The following PPM1E variants were observed in gnomAD, a reference collection of about 807,000 sequenced individuals.
PPM1E encodes protein phosphatase 1E.
In PPM1E, 20 loss-of-function variants were observed where a neutral mutation model predicts 65.9. That is an observed-to-expected ratio of 0.30 (90% CI 0.21 to 0.44). The LOEUF (loss-of-function observed/expected upper bound fraction) is 0.44, where lower values mean the gene tolerates loss of function less well. PPM1E is among the 20% of genes least tolerant of loss of function. The probability of loss-of-function intolerance (pLI) is 1.00; values close to 1 mark genes in which losing one functional copy is unlikely to be tolerated. For synonymous variants in PPM1E, 352 were observed against 374.9 expected, an observed-to-expected ratio of 0.94 and a Z score of 0.70; for missense variants, 713 against 953.1, an observed-to-expected ratio of 0.75 and a Z score of 3.32.
At chr17:58,885,081 G>A (rs976993332) in intron 1 of PPM1E, among the ~76,000 whole-genome samples, 2 of 151,922 alleles carry the variant, frequency 1.3e-5, no homozygotes, top group Admixed American at 6.6e-5. Flanking sequence ...TTTTGAGATG[G>A]AGTCTTGCTC....
Position 58,980,084 on chromosome 17 carries a change from G to T in PPM1E, c.1321G>T (p.Val441Leu). 2 of 1,614,124 alleles carry T rather than the reference G, an allele frequency of 1.2e-6. No homozygotes were observed. The highest frequency in any genetic ancestry group is 1.7e-6 in the Non-Finnish European group (2 of 1,179,988). Residue 441 changes from valine (V) to leucine (L), a missense_variant, in exon 7 of 7, where the codon GTG (valine) becomes TTG (leucine). Transcript: ENST00000308249. The surrounding 1 kb of genome is among the most constrained non-coding windows in gnomAD (Gnocchi z 4.7). ...GGCCTGTGATGGCTTCTATGACACCGTGAACCCTGATGAGGCAGTGAAAGT... is the reference window on the plus strand; with the variant it reads ...GGCCTGTGATGGCTTCTATGACACCTTGAACCCTGATGAGGCAGTGAAAGT... Reference protein sequence around the residue: ...ILACDGFYDTVNPDEAVKVVS... With the variant: ...ILACDGFYDTLNPDEAVKVVS...
At chr17:58,886,119 T>C (rs910044061) in intron 1 of PPM1E, among the ~76,000 whole-genome samples, 1 of 152,198 alleles carries the variant, frequency 6.6e-6, no homozygotes, top group Non-Finnish European at 1.5e-5. Context: ...AAATATGTTA[T>C]CCACTGTAAA....
At chr17:58,817,105 T>G (rs1340878204) in intron 1 of PPM1E, among the ~76,000 whole-genome samples, 1 of 152,102 alleles carries the variant, frequency 6.6e-6, no homozygotes, top group Non-Finnish European at 1.5e-5. Context: ...CAGAATCTCA[T>G]TTTTAAATTA....
intron 4 of PPM1E, among the ~76,000 whole-genome samples, chr17:58,969,950 T>A (rs1005133384): frequency 6.6e-6 from 1 of 152,206 alleles, no homozygotes; most frequent in African/African-American, 2.4e-5. Flanking sequence ...AGCTGTAATT[T>A]TCTGGATTCA....
rs150674621 is a variant in PPM1E at position 58,958,459 on chromosome 17, C to T, written c.583+2692C>T. Among the ~76,000 whole-genome samples, 387 of 152,044 alleles carry T rather than the reference C, an allele frequency of 2.5e-3. 2 individuals are homozygous for T. Among genetic ancestry groups the T allele is most frequent in the African/African-American group, 9.0e-3 (373 of 41,502 alleles). On this transcript the variant is annotated intron_variant, in intron 2 of 6. Coordinates refer to ENST00000308249, the MANE Select transcript of PPM1E (RefSeq NM_014906.5). The stretch of plus-strand genomic sequence containing the variant: ...CTCCTGGGCTCAAGTGATCCTCCTG[C>T]CTTGGCCTCCTAAAAGTGCTGGGTT...
Position 58,982,931 on chromosome 17 carries a change from C to T in PPM1E, c.*1900C>T, listed in dbSNP as rs757739427. 7.6e-6 allele frequency: 12 copies of T among 1,574,092 alleles called. No homozygotes were observed. Among genetic ancestry groups the T allele is most frequent in the South Asian group, 1.2e-5 (1 of 85,700 alleles). ...TTTCAAATCAAATTATCTAAGAAAA[C>T]AAGAAAACAAAGGCAGCAGACTATT... On this transcript the variant is annotated 3_prime_UTR_variant, in exon 7 of 7. Coordinates refer to ENST00000308249, the MANE Select transcript of PPM1E (RefSeq NM_014906.5).
intron 1 of PPM1E, among the ~76,000 whole-genome samples, chr17:58,837,340 C>T (rs1477250773): frequency 1.3e-5 from 2 of 149,354 alleles, no homozygotes; most frequent in African/African-American, 2.5e-5. Flanking sequence ...CATACACACA[C>T]ACACACACAC....
chr17:58,886,644 G>C (rs931205477), intron 1 of PPM1E, among the ~76,000 whole-genome samples: 1 of 152,058 alleles, frequency 6.6e-6, no homozygotes, highest in Non-Finnish European at 1.5e-5. Context: ...CTTCTTCTCT[G>C]ACATACAAGA....
At chr17:58,968,078 A>C (rs1226366156) in intron 3 of PPM1E, among the ~76,000 whole-genome samples, 1 of 152,166 alleles carries the variant, frequency 6.6e-6, no homozygotes, top group East Asian at 1.9e-4. Context: ...CTGGAATTAC[A>C]GGTGTGAGCC....
At position 58,982,077 on chromosome 17, in the gene PPM1E, A is replaced by C. The variant is rs2143838211; in HGVS notation, c.*1046A>C. The C allele has an allele frequency of 6.5e-6, 1 of 152,702 alleles. No individual in the cohort carries two copies. Among genetic ancestry groups the C allele is most frequent in the South Asian group, 2.1e-4 (1 of 4,830 alleles). The allele number at this position is 152,702 out of a possible 1,614,324, so 9.5% of individuals were successfully genotyped here. On this transcript the variant is annotated 3_prime_UTR_variant, in exon 7 of 7. Transcript: ENST00000308249. ...GGTAGTGAAGTAATTGGAATGAAGG[A>C]GGCTGAAAGTATTGTCTAAAGTGAG... is the stretch of plus-strand genomic sequence containing the variant.
chr17:58,957,144 A>C (rs754963985), intron 2 of PPM1E, among the ~76,000 whole-genome samples: 1 of 152,114 alleles, frequency 6.6e-6, no homozygotes, highest in Non-Finnish European at 1.5e-5. Context: ...GGCTGATTCA[A>C]CTCCAGCTCA....
intron 4 of PPM1E, 145 bp downstream of exon 4, chr17:58,969,872 T>A: frequency 1.3e-6 from 1 of 774,740 alleles, no homozygotes; most frequent in East Asian, 2.7e-5. Flanking sequence ...TGGATTCTGT[T>A]GTAGTTCCAA....
At chr17:58,851,705 C>A (rs1004630519) in intron 1 of PPM1E, among the ~76,000 whole-genome samples, 2 of 152,238 alleles carry the variant, frequency 1.3e-5, no homozygotes, top group Non-Finnish European at 2.9e-5. Flanking sequence ...GGAGATGTCT[C>A]CCAGTTAGGC....
At chr17:58,769,958 T>C (rs967554525) in intron 1 of PPM1E, among the ~76,000 whole-genome samples, 8 of 151,698 alleles carry the variant, frequency 5.3e-5, no homozygotes, top group African/African-American at 1.9e-4. Flanking sequence ...GCCCAGGAGG[T>C]GGAGGTTATA....
intron 1 of PPM1E, among the ~76,000 whole-genome samples, chr17:58,817,007 T>G (rs1187387260): frequency 4.0e-5 from 6 of 151,554 alleles, no homozygotes; most frequent in African/African-American, 1.5e-4. Context: ...TTGCCCAGGC[T>G]GGGCTGAAAC....
intron 1 of PPM1E, among the ~76,000 whole-genome samples, chr17:58,943,145 C>G (rs2052098086): frequency 6.6e-6 from 1 of 151,798 alleles, no homozygotes; most frequent in East Asian, 1.9e-4. Context: ...TGCAGTGAGC[C>G]AAGATCGTGC....
At chr17:58,933,848 A>G (rs1230458766) in intron 1 of PPM1E, among the ~76,000 whole-genome samples, 2 of 150,532 alleles carry the variant, frequency 1.3e-5, no homozygotes, top group Non-Finnish European at 3.0e-5. Flanking sequence ...TGTAATCCCA[A>G]TGCTTTGGGA....
At chr17:58,906,520 T>A (rs1280838412) in intron 1 of PPM1E, among the ~76,000 whole-genome samples, 1 of 152,116 alleles carries the variant, frequency 6.6e-6, no homozygotes, top group Non-Finnish European at 1.5e-5. Flanking sequence ...GTATTTTTTG[T>A]ATAGACAGGG....
intron 6 of PPM1E, among the ~76,000 whole-genome samples, chr17:58,978,687 G>A (rs1401068067): frequency 6.6e-6 from 1 of 152,052 alleles, no homozygotes; most frequent in African/African-American, 2.4e-5. Context: ...CTCCAGCCTG[G>A]GCGACAAAAA....
Sources: allele counts gnomAD v4.1 joint callset (sites outside exome capture counted in the v4.1 genomes callset), GRCh38; gene constraint gnomAD v4.1.1; non-coding constraint Gnocchi (gnomAD v3.1); transcripts MANE v1.5; gene names NCBI Gene and HGNC (gene_info 2026-07-23, HGNC 2026-07-21).